ADNP: variants seen among roughly 807,000 people sequenced by gnomAD.
The protein encoded by ADNP is activity dependent neuroprotector homeobox, also known as activity-dependent neuroprotector homeobox protein.
In ADNP, 4 loss-of-function variants were observed where a neutral mutation model predicts 84.9. The observed-to-expected ratio is 0.05, with a 90% CI of 0.02 to 0.11. ADNP has a LOEUF of 0.11. ADNP is among the 10% of genes least tolerant of loss of function. The pLI is 1.00. For missense variants in ADNP, 1,132 were observed against 1,326.0 expected (o/e 0.85, Z 2.27); for synonymous variants, 554 against 468.1 (o/e 1.18, Z -2.37).
Position 50,926,396 on chromosome 20 carries a change from G to A in ADNP, c.-90+2255C>T, listed in dbSNP as rs60350083. On this transcript the variant is annotated intron_variant, in intron 2 of 5. Coordinates refer to ENST00000621696, the MANE Select transcript of ADNP (RefSeq NM_001282531.3). ...ACACAACAGTCATGGGTACTTTGGT[G>A]TAAACCACAATAATGCTTCTAATGT... Among the ~76,000 whole-genome samples the A allele has an allele frequency of 7.7e-3, 1,169 of 152,268 alleles. 14 individuals carry two copies. The highest frequency in any genetic ancestry group is 0.026 in the African/African-American group (1,088 of 41,562).
chr20:50,905,092 G>C (rs1025134616), intron 2 of ADNP: 5 of 152,080 alleles, frequency 3.3e-5, no homozygotes, highest in Non-Finnish European at 5.9e-5. Context: ...TTATTTTAAT[G>C]ACCTAATACA....
chr20:50,900,195 A>G (rs1195569516), intron 5 of ADNP, among the ~76,000 whole-genome samples: 5 of 152,136 alleles, frequency 3.3e-5, no homozygotes, highest in South Asian at 4.1e-4. Context: ...TCTATGCTTC[A>G]CTATGTTTAG....
In ADNP at chr20:50,891,294, C is replaced by A; in HGVS notation, c.*111G>T. ...GGAACTGCAGCGGCCACATGCCCCA[C>A]AGTCCAACCAGTACTCACAAGGCAG... On this transcript the variant is annotated 3_prime_UTR_variant, in exon 6 of 6. Transcript: ENST00000621696. 7.0e-7 allele frequency: 1 copy of A among 1,433,404 alleles called. No homozygotes were observed. Among genetic ancestry groups the A allele is most frequent in the Non-Finnish European group, 9.1e-7 (1 of 1,099,748 alleles). 88.8% of individuals were successfully genotyped at this position (1,433,404 alleles called of 1,614,324 possible).
At chr20:50,922,837 C>T (rs574577253) in intron 2 of ADNP, among the ~76,000 whole-genome samples, 1 of 152,250 alleles carries the variant, frequency 6.6e-6, no homozygotes, top group African/African-American at 2.4e-5. Context: ...CGCCCCCAGC[C>T]TCCCAAAATG....
At chr20:50,902,625 T>C (rs1982100599) in intron 4 of ADNP, among the ~76,000 whole-genome samples, 2 of 152,226 alleles carry the variant, frequency 1.3e-5, no homozygotes. Flanking sequence ...AGTATGATGT[T>C]AAATTTATAC....
At chr20:50,907,880 G>C (rs1982642566) in intron 2 of ADNP, among the ~76,000 whole-genome samples, 1 of 151,802 alleles carries the variant, frequency 6.6e-6, no homozygotes, top group Admixed American at 6.6e-5. Context: ...TTACAGGTGT[G>C]CACCACCATG....
chr20:50,907,341 A>G (rs1478021842), intron 2 of ADNP, among the ~76,000 whole-genome samples: 2 of 147,574 alleles, frequency 1.4e-5, no homozygotes, highest in Non-Finnish European at 3.0e-5. Context: ...ATCTTGGCTC[A>G]CTGCAACCTC....
chr20:50,897,083 G>C (rs960266282), intron 5 of ADNP, among the ~76,000 whole-genome samples: 1 of 152,026 alleles, frequency 6.6e-6, no homozygotes, highest in African/African-American at 2.4e-5. Flanking sequence ...GATTACAGGC[G>C]CCCCACCACC....
Position 50,891,164 on chromosome 20 carries a change from A to G in ADNP, c.*241T>C, listed in dbSNP as rs1980658856. 4 of 1,289,890 alleles carry G rather than the reference A, an allele frequency of 3.1e-6. No individual in the cohort carries two copies. The highest frequency in any genetic ancestry group is 3.8e-5 in the Admixed American group (1 of 26,422). The allele number at this position is 1,289,890 out of a possible 1,614,324, so 79.9% of individuals were successfully genotyped here. ...CCTCTGCTTTTCCTCGTGTGTATTC[A>G]TGAGTCACCAGCTTATTGGTTTTTC... On this transcript the variant is annotated 3_prime_UTR_variant, in exon 6 of 6. Transcript: ENST00000621696.
Position 50,912,720 on chromosome 20 carries a change from T to C in ADNP, c.-89-7871A>G, listed in dbSNP as rs992675812. The stretch of plus-strand genomic sequence containing the variant: ...TGGCTATAGCAGAATTCTGATAGTT[T>C]ACTGAAAATCTTCACCAATTATTAT... On this transcript the variant is annotated intron_variant, in intron 2 of 5. Transcript: ENST00000621696. Among the ~76,000 whole-genome samples the C allele has an allele frequency of 5.9e-5, 9 of 152,332 alleles. 1 individual carries two copies. In the East Asian group the frequency reaches 1.5e-3, roughly 26 times the overall value.
In ADNP at chr20:50,917,977, C is replaced by T. The variant is rs75585594; in HGVS notation, c.-90+10674G>A. ...AAAGGCCAAATATTGTATGATTCCA[C>T]TCATGAGGTACTTAGAATAAACAAA... On this transcript the variant is annotated intron_variant, in intron 2 of 5. Coordinates refer to ENST00000621696, the MANE Select transcript of ADNP (RefSeq NM_001282531.3). Among the ~76,000 whole-genome samples the T allele has an allele frequency of 8.4e-3, 1,283 of 152,232 alleles. 9 individuals carry two copies. The highest frequency in any genetic ancestry group is 0.015 in the Non-Finnish European group (1,045 of 68,022).
intron 2 of ADNP, among the ~76,000 whole-genome samples, chr20:50,916,303 G>C (rs1983506864): frequency 1.3e-5 from 2 of 152,154 alleles, no homozygotes; most frequent in East Asian, 3.8e-4. Context: ...TCAAGTAAGA[G>C]GGCGCACAAA....
At chr20:50,914,454 G>A in intron 2 of ADNP, 3 of 422,362 alleles carry the variant, frequency 7.1e-6, no homozygotes, top group Non-Finnish European at 1.3e-5. Flanking sequence ...CAGTGTCCTG[G>A]AAACTAACAT....
chr20:50,902,758 A>T (rs1982112911), intron 4 of ADNP, among the ~76,000 whole-genome samples: 1 of 152,204 alleles, frequency 6.6e-6, no homozygotes, highest in South Asian at 2.1e-4. Context: ...TCTACACATA[A>T]ATAATCATAG....
intron 4 of ADNP, among the ~76,000 whole-genome samples, chr20:50,902,845 AGT>A (rs1213070151): frequency 3.9e-5 from 6 of 152,216 alleles, no homozygotes; most frequent in Non-Finnish European, 7.3e-5. Flanking sequence ...GACCCCACAG[AGT>A]GCAAAGTGAA....
At chr20:50,901,635 A>T (rs1981995767) in intron 5 of ADNP, among the ~76,000 whole-genome samples, 1 of 152,210 alleles carries the variant, frequency 6.6e-6, no homozygotes, top group Non-Finnish European at 1.5e-5. Context: ...GTTGGGTGCC[A>T]TCAACATAGG....
Position 50,891,997 on chromosome 20 carries a change from T to A in ADNP, c.2717A>T (p.Asp906Val), listed in dbSNP as rs760121154. Residue 906 changes from aspartate to valine, a missense_variant, in exon 6 of 6, where the codon GAT becomes GTT. Around this residue, in one of 10 missense-constraint regions of ADNP, gnomAD observed 381 missense variants for 319.9 expected, o/e 1.19. Coordinates refer to ENST00000621696, the MANE Select transcript of ADNP (RefSeq NM_001282531.3). ...CTTCAGTACATGTTCCTCTGGGTTA[T>A]CGTTAGAGATTTTAGGTTCAACTTC... Reference protein sequence around the residue: ...VFEVEPKISNDNPEEHVLKVI... With the variant: ...VFEVEPKISNVNPEEHVLKVI... 6.2e-7 allele frequency: 1 copy of A among 1,614,214 alleles called. No individual in the cohort carries two copies. Among genetic ancestry groups the A allele is most frequent in the South Asian group, 1.1e-5 (1 of 91,080 alleles).
In ADNP at chr20:50,916,881, A is replaced by T. The variant is rs6096184; in HGVS notation, c.-90+11770T>A. Among the ~76,000 whole-genome samples the T allele has an allele frequency of 2.1e-3, 325 of 152,248 alleles. 2 individuals carry two copies. Among genetic ancestry groups the T allele is most frequent in the African/African-American group, 7.8e-3 (322 of 41,538 alleles). On this transcript the variant is annotated intron_variant, in intron 2 of 5. Coordinates refer to ENST00000621696, the MANE Select transcript of ADNP (RefSeq NM_001282531.3). ...GGGGAAAAACAAAACAAAACCAAAA[A>T]CTAAAAAACAAGTGTCCAGTGCAGG...
intron 5 of ADNP, among the ~76,000 whole-genome samples, chr20:50,901,387 C>T (rs114398251): frequency 0.031 from 4,503 of 146,288 alleles, 243 homozygotes; most frequent in African/African-American, 0.11. Context: ...AAGTATGTTC[C>T]GATAGATGAA....
Sources: gnomAD v4.1 joint callset for allele counts (sites outside exome capture counted in the v4.1 genomes callset) on GRCh38, gnomAD v4.1.1 for gene constraint, gnomAD v4.1.1 regional missense constraint, MANE v1.5 for transcripts, NCBI Gene and HGNC (gene_info 2026-07-23, HGNC 2026-07-21) for gene names.